The following CC2D1A variants were observed in gnomAD, a reference collection of about 807,000 sequenced individuals.
CC2D1A encodes the protein coiled-coil and C2 domain-containing protein 1A.
Under a neutral mutation model 123.8 loss-of-function variants are expected in CC2D1A, and 68 were observed. The ratio of observed to expected loss-of-function variants is 0.55; its 90% CI spans 0.45 to 0.67. CC2D1A has a LOEUF of 0.67. Among genes scored for constraint, CC2D1A ranks in the 30% least tolerant of loss-of-function variants. The probability of loss-of-function intolerance (pLI) is 0.00; values close to 1 mark genes in which losing one functional copy is unlikely to be tolerated. For missense variants in CC2D1A, 1,185 were observed against 1,290.3 expected (o/e 0.92, Z 1.25); for synonymous variants, 477 against 528.0 (o/e 0.90, Z 1.32).
intron 12 of CC2D1A, 70 bp from the exon 13 acceptor site, chr19:13,920,487 C>G (rs529080307): frequency 2.1e-6 from 2 of 936,564 alleles, no homozygotes; most frequent in East Asian, 2.6e-5. Flanking sequence ...ACCATCAGAC[C>G]CTGATCCTTG....
chr19:13,916,434 C>A (rs914224234), intron 6 of CC2D1A, among the ~76,000 whole-genome samples: 1 of 152,032 alleles, frequency 6.6e-6, no homozygotes, highest in African/African-American at 2.4e-5. Context: ...CATGGTGGTG[C>A]ATGCCTGTAG....
At chr19:13,919,754 C>T in intron 11 of CC2D1A, 64 bp from the exon 12 acceptor site, 1 of 1,498,294 alleles carries the variant, frequency 6.7e-7, no homozygotes, top group Non-Finnish European at 9.0e-7. Flanking sequence ...TGCATCTCCA[C>T]CATAATGGTG....
At position 13,906,476 on chromosome 19, in the gene CC2D1A, G is replaced by GA; in HGVS notation, c.35_36insA (p.Arg13GlnfsTer14). ...AGGAAAGGACCCCCGGGACCCCCGG[G>GA]CAGAGGCGCCGCGGCCGCCCGCCAG... On this transcript the variant is annotated frameshift_variant, in exon 1 of 29. Coordinates refer to ENST00000318003, the MANE Select transcript of CC2D1A (RefSeq NM_017721.5). LOFTEE classifies it high-confidence loss of function. The surrounding 1 kb of genome is among the most constrained non-coding windows in gnomAD (Gnocchi z 4.1). 1 of 1,514,628 alleles carries GA rather than the reference G, an allele frequency of 6.6e-7. No individual in the cohort carries two copies. Among genetic ancestry groups the GA allele is most frequent in the Non-Finnish European group, 8.8e-7 (1 of 1,134,276 alleles). The allele number at this position is 1,514,628 out of a possible 1,614,324, so 93.8% of individuals were successfully genotyped here.
intron 1 of CC2D1A, 28 bp from the exon 2 acceptor site, chr19:13,909,795 T>C: frequency 3.1e-6 from 5 of 1,605,238 alleles, no homozygotes; most frequent in Non-Finnish European, 4.3e-6. Flanking sequence ...GAACCAAAGG[T>C]CTGACTGAAC....
chr19:13,918,789 G>T lies in CC2D1A; in HGVS notation c.990G>T (p.Pro330=). The T allele has an allele frequency of 6.2e-7, 1 of 1,613,296 alleles. No homozygotes were observed. The highest frequency in any genetic ancestry group is 1.3e-5 in the African/African-American group (1 of 75,016). The change falls in exon 9 of 29, where the codon CCG becomes CCT. Residue 330 remains proline, a synonymous_variant. Transcript: ENST00000318003. ...PDPPSPPSQP[P]TPATAPSTTE... ...CACCGTCACCACCGTCGCAGCCTCC[G>T]ACCCCCGCTACGGCGCCCTCCACAA...
At position 13,919,148 on chromosome 19, in the gene CC2D1A, C is replaced by T. The variant is rs771168246; in HGVS notation, c.1168C>T (p.Arg390Ter). ...RIVKQYQDAIRAHKAGRAVDV... is the reference protein window; with the variant it reads ...RIVKQYQDAI The stretch of plus-strand genomic sequence containing the variant: ...CTCGCAGCAATACCAAGATGCCATC[C>T]GAGCCCACAAGGCTGGCCGAGCCGT... The change falls in exon 11 of 29, where the codon CGA becomes TGA. Residue 390 changes from arginine to a stop codon, truncating the protein, a stop_gained. Transcript: ENST00000318003. LOFTEE classifies it high-confidence loss of function. 1.9e-6 allele frequency: 3 copies of T among 1,612,462 alleles called. No individual in the cohort carries two copies. Among genetic ancestry groups the T allele is most frequent in the East Asian group, 2.2e-5 (1 of 44,860 alleles).
At chr19:13,929,126 C>T (rs112136896) in intron 24 of CC2D1A, among the ~76,000 whole-genome samples, 1,835 of 151,910 alleles carry the variant, frequency 0.012, 24 homozygotes, top group African/African-American at 0.035. Flanking sequence ...GCCTCAGCCT[C>T]CCAAGTAGCT....
chr19:13,919,989 G>C, intron 12 of CC2D1A, 38 bp downstream of exon 12: 1 of 1,577,798 alleles, frequency 6.3e-7, no homozygotes, highest in Non-Finnish European at 8.6e-7. Flanking sequence ...GCTCACACCT[G>C]TAGTCCCAGC....
rs1246852723 is a variant in CC2D1A, at chr19:13,925,951, TATATATATAC to T, written c.1941-564_1941-555del. Among the ~76,000 whole-genome samples, 761 of 134,020 alleles carry T rather than the reference TATATATATAC, an allele frequency of 5.7e-3. 29 individuals are homozygous for T. The highest frequency in any genetic ancestry group is 0.026 in the Middle Eastern group (7 of 270). The allele number at this position is 134,020 out of a possible 152,430, so 87.9% of individuals were successfully genotyped here. A position where few individuals can be genotyped will look rare whatever the true frequency, so the allele number is the denominator to read the frequency against. ...AAAAAAAAATATATATATATATATA[TATATATATAC>T]ACGTATATATATGTGTATATATATA... On this transcript the variant is annotated intron_variant, in intron 17 of 28. Transcript: ENST00000318003.
At position 13,906,381 on chromosome 19, in the gene CC2D1A, G is replaced by A. The variant is rs1970727932; in HGVS notation, c.-61G>A. The A allele has an allele frequency of 1.4e-6, 2 of 1,384,574 alleles. No homozygotes were observed. Among genetic ancestry groups the A allele is most frequent in the South Asian group, 1.3e-5 (1 of 74,614 alleles). The allele number at this position is 1,384,574 out of a possible 1,614,324, so 85.8% of individuals were successfully genotyped here. A position where few individuals can be genotyped will look rare whatever the true frequency, so the allele number is the denominator to read the frequency against. On this transcript the variant is annotated 5_prime_UTR_variant, in exon 1 of 29. Transcript: ENST00000318003. The surrounding 1 kb of genome is among the most constrained non-coding windows in gnomAD (Gnocchi z 4.1). ...GGCGAGTGCGCGGCGACAGAGCCCG[G>A]GGAAGGAGGCAGGGCAAGGCCGGGC...
chr19:13,927,137 C>A, intron 21 of CC2D1A, 38 bp from the exon 22 acceptor site: 1 of 1,610,942 alleles, frequency 6.2e-7, no homozygotes, highest in Non-Finnish European at 8.5e-7. Flanking sequence ...CTCCTCTGAA[C>A]CAACCATCCT....
intron 11 of CC2D1A, chr19:13,919,602 G>C (rs10401661): frequency 0.025 from 10,281 of 407,740 alleles, 934 homozygotes; most frequent in African/African-American, 0.19. Flanking sequence ...GCCTGGTGTG[G>C]TGGTGCACAC....
chr19:13,907,891 A>G (rs1970837833), intron 1 of CC2D1A, among the ~76,000 whole-genome samples: 1 of 152,190 alleles, frequency 6.6e-6, no homozygotes, highest in African/African-American at 2.4e-5. Context: ...TTTTACCTAC[A>G]GGAAAGGCAA....
intron 11 of CC2D1A, 56 bp downstream of exon 11, chr19:13,919,258 C>T: frequency 1.5e-6 from 2 of 1,341,016 alleles, no homozygotes; most frequent in African/African-American, 1.5e-5. Flanking sequence ...GTAGGCCCCG[C>T]CCCCAGAGGC....
rs1599398098 is a variant in CC2D1A, at chr19:13,923,278, C to T, written c.1642-55C>T. ...AGGAAGAATGACATTTCTGCAGAGC[C>T]CTAGGTGGGCCTGCTTGTCCTCCTT... On this transcript the variant is annotated intron_variant, in intron 14 of 28. Transcript: ENST00000318003. The surrounding 1 kb of genome is among the most constrained non-coding windows in gnomAD (Gnocchi z 5.3). 1 of 1,563,138 alleles carries T rather than the reference C, an allele frequency of 6.4e-7. No homozygotes were observed. Among genetic ancestry groups the T allele is most frequent in the Non-Finnish European group, 8.6e-7 (1 of 1,161,904 alleles).
intron 2 of CC2D1A, among the ~76,000 whole-genome samples, chr19:13,911,655 C>G (rs1275535793): frequency 1.3e-5 from 2 of 150,126 alleles, no homozygotes; most frequent in Non-Finnish European, 3.0e-5. Context: ...AAGTGATTCT[C>G]CTGCCTCAGC....
At chr19:13,915,545 G>A (rs774159484) in intron 6 of CC2D1A, among the ~76,000 whole-genome samples, 84 of 151,840 alleles carry the variant, frequency 5.5e-4, no homozygotes, top group Middle Eastern at 3.4e-3. Flanking sequence ...ACCACCCCTG[G>A]CCTCAACACT....
chr19:13,925,918 TAAAA>T (rs34627490), intron 17 of CC2D1A, among the ~76,000 whole-genome samples: 27 of 55,266 alleles, frequency 4.9e-4, no homozygotes, highest in African/African-American at 1.6e-3. Context: ...AGACTCTGTC[TAAAA>T]AAAAAAAAAA....
chr19:13,918,487 C>T lies in CC2D1A; in HGVS notation c.874-17C>T, dbSNP rs1216375078. On this transcript the variant is annotated splice_polypyrimidine_tract_variant and intron_variant, in intron 7 of 28. Coordinates refer to ENST00000318003, the MANE Select transcript of CC2D1A (RefSeq NM_017721.5). ...CCAACTGCACCTCTTCTTCTAATCTCCTCTTCCTTCTCCCAGAGCTTTGAT... is the reference window on the plus strand; with the variant it reads ...CCAACTGCACCTCTTCTTCTAATCTTCTCTTCCTTCTCCCAGAGCTTTGAT... 1.2e-6 allele frequency: 2 copies of T among 1,612,046 alleles called. No individual in the cohort carries two copies. Among genetic ancestry groups the T allele is most frequent in the African/African-American group, 1.3e-5 (1 of 74,998 alleles).
Sources: allele counts gnomAD v4.1 joint callset (sites outside exome capture counted in the v4.1 genomes callset), GRCh38; gene constraint gnomAD v4.1.1; non-coding constraint Gnocchi (gnomAD v3.1); transcripts MANE v1.5; gene names NCBI Gene and HGNC (gene_info 2026-07-23, HGNC 2026-07-21).